Variants in EXOC6B observed in about 807,000 individuals in gnomAD.
EXOC6B encodes the protein exocyst complex component 6B.
Under a neutral mutation model 113.5 loss-of-function variants are expected in EXOC6B, and 54 were observed. The observed-to-expected ratio is 0.48, with a 90% confidence interval of 0.38 to 0.60. The LOEUF (loss-of-function observed/expected upper bound fraction) is 0.60, where lower values mean the gene tolerates loss of function less well. Among genes scored for constraint, EXOC6B ranks in the 20% least tolerant of loss-of-function variants. The pLI, the probability that EXOC6B is intolerant of heterozygous loss-of-function variation, is 0.00. For missense variants in EXOC6B, 797 were observed against 977.5 expected, an observed-to-expected ratio of 0.82 and a Z score of 2.46; for synonymous variants, 357 against 339.0, an observed-to-expected ratio of 1.05 and a Z score of -0.58.
chr2:72,680,705 C>T (rs996495628), intron 6 of EXOC6B, among the ~76,000 whole-genome samples: 35 of 151,426 alleles, frequency 2.3e-4, no homozygotes, highest in African/African-American at 6.6e-4. Context: ...TGCGACTGCA[C>T]TACGGCGTGG....
chr2:72,788,169 G>A (rs1684478234), intron 1 of EXOC6B, among the ~76,000 whole-genome samples: 1 of 152,134 alleles, frequency 6.6e-6, no homozygotes, highest in Non-Finnish European at 1.5e-5. Flanking sequence ...CAACTTCTCT[G>A]ATCTTGTTCC....
At chr2:72,444,697 C>A (rs1445282576) in intron 18 of EXOC6B, among the ~76,000 whole-genome samples, 1 of 152,240 alleles carries the variant, frequency 6.6e-6, no homozygotes, top group Non-Finnish European at 1.5e-5. Context: ...CCCTCCAAAG[C>A]CAGGGCCTGA....
intron 6 of EXOC6B, among the ~76,000 whole-genome samples, chr2:72,709,834 T>C (rs969529701): frequency 2.0e-5 from 3 of 152,172 alleles, no homozygotes; most frequent in Admixed American, 1.3e-4. Context: ...GGGTTTGGTT[T>C]CTCACTGACA....
intron 20 of EXOC6B, among the ~76,000 whole-genome samples, chr2:72,323,872 A>G (rs996096361): frequency 6.6e-6 from 1 of 152,020 alleles, no homozygotes; most frequent in Non-Finnish European, 1.5e-5. Context: ...ATTAGGAGAA[A>G]TACCTAATGT....
intron 19 of EXOC6B, among the ~76,000 whole-genome samples, chr2:72,363,007 G>A (rs1690413341): frequency 6.6e-6 from 1 of 152,032 alleles, no homozygotes. Flanking sequence ...GTGCATGAGG[G>A]ATACAATAGC....
At chr2:72,499,792 C>A in intron 12 of EXOC6B, 109 bp downstream of exon 12, 1 of 694,878 alleles carries the variant, frequency 1.4e-6, no homozygotes, top group Non-Finnish European at 2.5e-6. Context: ...CCTCAGGCTT[C>A]CAAAGAACTA....
intron 1 of EXOC6B, among the ~76,000 whole-genome samples, chr2:72,764,925 T>C (rs1682972264): frequency 6.6e-6 from 1 of 152,136 alleles, no homozygotes; most frequent in Admixed American, 6.6e-5. Context: ...TAAATCTCTT[T>C]CTTGAAATTC....
intron 8 of EXOC6B, among the ~76,000 whole-genome samples, chr2:72,517,884 G>T (rs777003369): frequency 6.6e-6 from 1 of 152,080 alleles, no homozygotes; most frequent in Non-Finnish European, 1.5e-5. Context: ...TCTAAACTGG[G>T]TGTAGCTTTG....
chr2:72,724,836 A>T (rs1680209879), intron 5 of EXOC6B, among the ~76,000 whole-genome samples: 1 of 152,190 alleles, frequency 6.6e-6, no homozygotes, highest in Admixed American at 6.5e-5. Flanking sequence ...AGAGAGATCA[A>T]TGTGCTCGAA....
chr2:72,661,495 CA>C (rs1675014488), intron 6 of EXOC6B, among the ~76,000 whole-genome samples: 1 of 150,596 alleles, frequency 6.6e-6, no homozygotes, highest in Non-Finnish European at 1.5e-5. Context: ...AATTTAAAAC[CA>C]AAAAATTCTA....
In EXOC6B at chr2:72,379,885, T is replaced by G. The variant is rs548084071; in HGVS notation, c.1981-15A>C. 6.3e-7 allele frequency: 1 copy of G among 1,583,942 alleles called. No homozygotes were observed. Among genetic ancestry groups the G allele is most frequent in the East Asian group, 2.3e-5 (1 of 44,114 alleles). On this transcript the variant is annotated splice_polypyrimidine_tract_variant and intron_variant, in intron 18 of 21. Coordinates refer to ENST00000272427, the MANE Select transcript of EXOC6B (RefSeq NM_015189.3). ...GCCACCTTTCCCTGAAACACAAGAG[T>G]GTAAATCATAAAGTTAATGCATCTA...
intron 8 of EXOC6B, among the ~76,000 whole-genome samples, chr2:72,556,154 A>G (rs1313598461): frequency 4.6e-5 from 7 of 152,226 alleles, no homozygotes; most frequent in Non-Finnish European, 7.3e-5. Context: ...TTGAAATGCT[A>G]AAGGCATTTT....
chr2:72,488,456 AC>A (rs1453277571), intron 16 of EXOC6B, among the ~76,000 whole-genome samples: 1 of 152,114 alleles, frequency 6.6e-6, no homozygotes, highest in East Asian at 1.9e-4. Context: ...ATTCATATAC[AC>A]AACTGCTTAC....
chr2:72,650,880 TA>T lies in EXOC6B; in HGVS notation c.669+67222del, dbSNP rs60060107. Among the ~76,000 whole-genome samples, 180 of 133,670 alleles carry T rather than the reference TA, an allele frequency of 1.3e-3. 2 individuals are homozygous for T. The highest frequency in any genetic ancestry group is 1.8e-3 in the Non-Finnish European group (110 of 61,528). 87.7% of individuals were successfully genotyped at this position (133,670 alleles called of 152,430 possible). ...CTCTGGAAAATGCTTTGGCAGTTTC[TA>T]AAAAAAAAAAAACAAAAAAACAAAA... On this transcript the variant is annotated intron_variant, in intron 6 of 21. Transcript: ENST00000272427.
At chr2:72,278,346 G>T (rs4852288) in intron 20 of EXOC6B, among the ~76,000 whole-genome samples, 57,205 of 151,914 alleles carry the variant, frequency 0.38, 13,833 homozygotes, top group African/African-American at 0.69. Context: ...AAATGTAGAG[G>T]GACAATTGAA....
intron 8 of EXOC6B, among the ~76,000 whole-genome samples, chr2:72,558,541 C>T (rs1032783042): frequency 2.0e-5 from 3 of 152,040 alleles, no homozygotes; most frequent in East Asian, 1.9e-4. Context: ...GAGACCCAGA[C>T]GGTGGATGAC....
intron 19 of EXOC6B, among the ~76,000 whole-genome samples, chr2:72,339,103 C>T (rs1057380030): frequency 1.3e-5 from 2 of 151,898 alleles, no homozygotes; most frequent in African/African-American, 2.4e-5. Flanking sequence ...TCAGATGCTG[C>T]TTGATAGAAA....
At chr2:72,187,766 CA>C (rs1324755122) in intron 20 of EXOC6B, among the ~76,000 whole-genome samples, 2 of 152,176 alleles carry the variant, frequency 1.3e-5, no homozygotes, top group East Asian at 3.9e-4. Flanking sequence ...GTGGGACTGG[CA>C]GCCTGGTCAC....
intron 21 of EXOC6B, chr2:72,182,778 C>T (rs946580090): frequency 1.3e-5 from 9 of 699,686 alleles, no homozygotes; most frequent in African/African-American, 1.8e-5. Flanking sequence ...ATTAGTATGT[C>T]AGGGCGGGGA....
Sources: allele counts gnomAD v4.1 joint callset (sites outside exome capture counted in the v4.1 genomes callset), GRCh38; gene constraint gnomAD v4.1.1; transcripts MANE v1.5; gene names NCBI Gene and HGNC (gene_info 2026-07-23, HGNC 2026-07-21).